The following MYO9A variants were observed in gnomAD, a reference collection of about 807,000 sequenced individuals.
MYO9A encodes the protein unconventional myosin-IXa.
MYO9A carries 103 observed loss-of-function variants against 293.3 expected under a neutral mutation model. That is an observed-to-expected ratio of 0.35 (90% confidence interval 0.30 to 0.41). The LOEUF (loss-of-function observed/expected upper bound fraction) is 0.41, where lower values mean the gene tolerates loss of function less well. Among genes scored for constraint, MYO9A ranks in the 10% least tolerant of loss-of-function variants. The pLI is 1.00. For missense variants in MYO9A, 2,685 were observed against 3,033.0 expected, an observed-to-expected ratio of 0.89 and a Z score of 2.69; for synonymous variants, 1,001 against 1,035.7, an observed-to-expected ratio of 0.97 and a Z score of 0.64.
intron 19 of MYO9A, among the ~76,000 whole-genome samples, chr15:71,907,969 T>C (rs1324320097): frequency 2.0e-5 from 3 of 152,352 alleles, no homozygotes; most frequent in South Asian, 4.1e-4. Context: ...TTTGTCAATT[T>C]TGGCTTTTGT....
intron 1 of MYO9A, among the ~76,000 whole-genome samples, chr15:72,063,995 C>A (rs2078948203): frequency 6.6e-6 from 1 of 152,096 alleles, no homozygotes; most frequent in Admixed American, 6.6e-5. Context: ...AGAATGAGAT[C>A]CCATCATTTG....
chr15:71,883,478 C>A, intron 28 of MYO9A, 116 bp downstream of exon 28: 1 of 1,098,646 alleles, frequency 9.1e-7, no homozygotes, highest in Non-Finnish European at 1.3e-6. Context: ...CTGGTCCTAT[C>A]TCATTAGAAC....
chr15:71,826,406 T>C lies in MYO9A; in HGVS notation c.*174A>G. On this transcript the variant is annotated 3_prime_UTR_variant, in exon 42 of 42. Coordinates refer to ENST00000356056, the MANE Select transcript of MYO9A (RefSeq NM_006901.4). ...CAGCTGGCACCATCCCCAGCAGGCT[T>C]TCTGCTTCTGCAGGAGGCCCAGGAA... The C allele has an allele frequency of 1.6e-6, 1 of 616,170 alleles. No individual in the cohort carries two copies. Among genetic ancestry groups the C allele is most frequent in the South Asian group, 2.7e-5 (1 of 37,314 alleles). The allele number at this position is 616,170 out of a possible 1,614,324, so 38.2% of individuals were successfully genotyped here.
intron 15 of MYO9A, among the ~76,000 whole-genome samples, chr15:71,943,747 T>G (rs2058839260): frequency 6.6e-6 from 1 of 152,150 alleles, no homozygotes; most frequent in African/African-American, 2.4e-5. Context: ...ACAGATTGGC[T>G]TGTATTGACT....
intron 1 of MYO9A, among the ~76,000 whole-genome samples, chr15:72,109,218 A>G (rs1191341263): frequency 6.6e-6 from 1 of 151,744 alleles, no homozygotes; most frequent in Admixed American, 6.6e-5. Context: ...GTGAAACGCC[A>G]CCTCTACTAA....
At chr15:71,989,243 A>G (rs1305672479) in intron 11 of MYO9A, among the ~76,000 whole-genome samples, 1 of 152,178 alleles carries the variant, frequency 6.6e-6, no homozygotes, top group Non-Finnish European at 1.5e-5. Flanking sequence ...CTCATAAGAA[A>G]TATCTAGTTA....
chr15:72,036,423 G>A (rs1410098174), intron 2 of MYO9A: 1 of 152,120 alleles, frequency 6.6e-6, no homozygotes. Context: ...AAGAACCCTT[G>A]GCAGAGGCAT....
Position 71,901,205 on chromosome 15 carries a change from A to C in MYO9A, c.3136T>G (p.Ser1046Ala). 6.2e-7 allele frequency: 1 copy of C among 1,612,318 alleles called. No individual in the cohort carries two copies. The highest frequency in any genetic ancestry group is 8.5e-7 in the Non-Finnish European group (1 of 1,179,486). Residue 1046 changes from serine (S) to alanine (A), a missense_variant, in exon 23 of 42, where the codon TCT becomes GCT. Coordinates refer to ENST00000356056, the MANE Select transcript of MYO9A (RefSeq NM_006901.4). ...TTGCTTCTCACCTGGATAATAACAG[A>C]TGCTTGTCTCAGATGGAGGAAATGC... ...RQHFLHLRQA[S>A]VIIQRFWRNY... is the part of the protein sequence containing the mutation.
chr15:72,014,749 G>GAAA (rs2077276701), intron 6 of MYO9A, among the ~76,000 whole-genome samples: 1 of 143,292 alleles, frequency 7.0e-6, no homozygotes, highest in African/African-American at 2.6e-5. Context: ...GAGAAAGAAA[G>GAAA]GAAAGAAAGA....
At chr15:72,100,336 G>A (rs2080232512) in intron 1 of MYO9A, among the ~76,000 whole-genome samples, 2 of 152,346 alleles carry the variant, frequency 1.3e-5, no homozygotes, top group South Asian at 4.1e-4. Context: ...AGTGCTCGGT[G>A]GTGCCCAGGC....
At chr15:71,982,714 T>G (rs2076306749) in intron 11 of MYO9A, among the ~76,000 whole-genome samples, 1 of 152,244 alleles carries the variant, frequency 6.6e-6, no homozygotes, top group African/African-American at 2.4e-5. Context: ...ACCAACTTTT[T>G]GAACACTTAT....
intron 1 of MYO9A, among the ~76,000 whole-genome samples, chr15:72,077,641 G>A (rs2079396176): frequency 6.6e-6 from 1 of 151,068 alleles, no homozygotes; most frequent in African/African-American, 2.4e-5. Flanking sequence ...TGGTGGCAGG[G>A]TGGCGGGGGG....
At chr15:71,839,880 A>G (rs1276604569) in intron 39 of MYO9A, among the ~76,000 whole-genome samples, 2 of 152,156 alleles carry the variant, frequency 1.3e-5, no homozygotes, top group Non-Finnish European at 2.9e-5. Context: ...TTTAGTATCA[A>G]CTTGTAAAGA....
chr15:72,111,619 G>A (rs1230906021), intron 1 of MYO9A, among the ~76,000 whole-genome samples: 1 of 147,322 alleles, frequency 6.8e-6, no homozygotes, highest in East Asian at 2.0e-4. Context: ...ATAGTCTTAT[G>A]AGGCAAATAT....
At chr15:71,866,605 G>T (rs1028346013) in intron 32 of MYO9A, among the ~76,000 whole-genome samples, 1 of 151,742 alleles carries the variant, frequency 6.6e-6, no homozygotes, top group Non-Finnish European at 1.5e-5. Flanking sequence ...CAGAAGAAAA[G>T]ATTCAAAATA....
chr15:71,992,416 C>T (rs149190106), intron 10 of MYO9A, among the ~76,000 whole-genome samples: 47 of 152,154 alleles, frequency 3.1e-4, no homozygotes, highest in African/African-American at 1.0e-3. Context: ...AGAGATACAA[C>T]GGGCAAACTG....
intron 1 of MYO9A, among the ~76,000 whole-genome samples, chr15:72,110,717 A>C (rs536725021): frequency 4.2e-4 from 64 of 152,322 alleles, no homozygotes; most frequent in African/African-American, 1.5e-3. Flanking sequence ...AATATTTTTT[A>C]AATGCCCCAA....
intron 1 of MYO9A, among the ~76,000 whole-genome samples, chr15:72,077,968 G>GGTGA (rs2079423138): frequency 6.6e-6 from 1 of 151,714 alleles, no homozygotes; most frequent in African/African-American, 2.4e-5. Context: ...TCAAAACCAT[G>GGTGA]GTGAGATAGT....
chr15:72,063,906 T>C (rs1032375485), intron 1 of MYO9A, among the ~76,000 whole-genome samples: 77 of 152,310 alleles, frequency 5.1e-4, no homozygotes, highest in African/African-American at 1.8e-3. Flanking sequence ...TCAACCTAAC[T>C]GTCCATCAAC....
Sources: allele counts gnomAD v4.1 joint callset (sites outside exome capture counted in the v4.1 genomes callset), GRCh38; gene constraint gnomAD v4.1.1; transcripts MANE v1.5; gene names NCBI Gene and HGNC (gene_info 2026-07-23, HGNC 2026-07-21).